Variants in AHCYL2 observed in about 807,000 individuals in gnomAD.
AHCYL2 encodes S-adenosylhomocysteine hydrolase-like protein 2.
AHCYL2 carries 28 observed loss-of-function variants against 81.4 expected under a neutral mutation model. That is an observed-to-expected ratio of 0.34 (90% CI 0.25 to 0.47). AHCYL2 has a LOEUF of 0.47. AHCYL2 is among the 20% of genes least tolerant of loss of function. The pLI is 1.00. For missense variants in AHCYL2, 551 were observed against 785.1 expected, an observed-to-expected ratio of 0.70 and a Z score of 3.56; for synonymous variants, 272 against 290.2, an observed-to-expected ratio of 0.94 and a Z score of 0.64.
chr7:129,373,276 C>T (rs975311167), intron 1 of AHCYL2, among the ~76,000 whole-genome samples: 5 of 152,044 alleles, frequency 3.3e-5, no homozygotes, highest in Admixed American at 2.0e-4. Flanking sequence ...CTGTGTGCGG[C>T]GGCTCACGCC....
chr7:129,372,783 C>T (rs574298569), intron 1 of AHCYL2, among the ~76,000 whole-genome samples: 45 of 152,158 alleles, frequency 3.0e-4, no homozygotes, highest in African/African-American at 1.1e-3. Context: ...CCATTGCACC[C>T]CAGCCTGGGA....
chr7:129,332,425 GAA>G (rs1763331358), intron 1 of AHCYL2, among the ~76,000 whole-genome samples: 1 of 152,208 alleles, frequency 6.6e-6, no homozygotes, highest in Non-Finnish European at 1.5e-5. Flanking sequence ...ATAAAAACTA[GAA>G]AGTTGAAACA....
At chr7:129,316,723 C>T (rs1296981833) in intron 1 of AHCYL2, among the ~76,000 whole-genome samples, 1 of 152,192 alleles carries the variant, frequency 6.6e-6, no homozygotes, top group Non-Finnish European at 1.5e-5. Context: ...ATGCTTTATG[C>T]ATTCTCAGTG....
intron 1 of AHCYL2, among the ~76,000 whole-genome samples, chr7:129,289,427 A>AT (rs751199421): frequency 6.6e-6 from 1 of 152,106 alleles, no homozygotes; most frequent in African/African-American, 2.4e-5. Flanking sequence ...ACTATTGATG[A>AT]TTTTTACTTA....
chr7:129,340,461 C>G lies in AHCYL2; in HGVS notation c.364-39177C>G, dbSNP rs185411382. On this transcript the variant is annotated intron_variant, in intron 1 of 16. Transcript: ENST00000325006. ...CAGTTGCCTATAGTCCCAGCTACTC[C>G]GGAGGCTGAGGCAGGAGAATGGCGT... Among the ~76,000 whole-genome samples, 516 of 150,500 alleles carry G rather than the reference C, an allele frequency of 3.4e-3. 1 individual carries two copies. Among genetic ancestry groups the G allele is most frequent in the African/African-American group, 0.012 (492 of 41,114 alleles).
intron 5 of AHCYL2, among the ~76,000 whole-genome samples, chr7:129,399,714 C>T (rs1328215587): frequency 2.0e-5 from 3 of 149,128 alleles, no homozygotes; most frequent in East Asian, 3.9e-4. Flanking sequence ...TTTTGTTTTC[C>T]CTTTAGTCAC....
Position 129,344,035 on chromosome 7 carries a change from TACTC to T in AHCYL2, c.364-35601_364-35598del, listed in dbSNP as rs373550528. ...TATGAATGCTAATAAGCATATAAGATACTCAACACCACGAGAGAAGTGCAAATTA... is the reference window on the plus strand; with the variant it reads ...TATGAATGCTAATAAGCATATAAGATAACACCACGAGAGAAGTGCAAATTA... On this transcript the variant is annotated intron_variant, in intron 1 of 16. Coordinates refer to ENST00000325006, the MANE Select transcript of AHCYL2 (RefSeq NM_015328.4). Among the ~76,000 whole-genome samples, 25 of 152,268 alleles carry T rather than the reference TACTC, an allele frequency of 1.6e-4. No homozygotes were observed. The East Asian group carries it at 3.7e-3, about 22-fold the overall frequency.
At chr7:129,379,293 A>C (rs2150884141) in intron 1 of AHCYL2, among the ~76,000 whole-genome samples, 1 of 151,992 alleles carries the variant, frequency 6.6e-6, no homozygotes, top group African/African-American at 2.4e-5. Flanking sequence ...AAAAAAAAAA[A>C]AAAGTGTATC....
At chr7:129,322,772 T>C (rs1272557989) in intron 1 of AHCYL2, among the ~76,000 whole-genome samples, 1 of 152,102 alleles carries the variant, frequency 6.6e-6, no homozygotes, top group Admixed American at 6.5e-5. Context: ...CGTATTTTTT[T>C]AGGGGTGGGG....
intron 1 of AHCYL2, among the ~76,000 whole-genome samples, chr7:129,240,273 C>T (rs1299084531): frequency 6.6e-6 from 1 of 151,798 alleles, no homozygotes; most frequent in East Asian, 1.9e-4. Flanking sequence ...TCCATGGTTA[C>T]AGAGACACCC....
In AHCYL2 at chr7:129,427,101, A is replaced by G. The variant is rs974115367; in HGVS notation, c.*56A>G. 5.2e-6 allele frequency: 8 copies of G among 1,536,724 alleles called. No individual in the cohort carries two copies. Among genetic ancestry groups the G allele is most frequent in the Admixed American group, 5.1e-5 (3 of 58,636 alleles). On this transcript the variant is annotated 3_prime_UTR_variant, in exon 17 of 17. Coordinates refer to ENST00000325006, the MANE Select transcript of AHCYL2 (RefSeq NM_015328.4). The surrounding 1 kb of genome is among the most constrained non-coding windows in gnomAD (Gnocchi z 5.5). Reference sequence around the variant, plus strand: ...GAATAGAACTCCAAGCCTTTTCTCCACTACTATACAAGAAAGAATTCAGCA... The same window carrying G: ...GAATAGAACTCCAAGCCTTTTCTCCGCTACTATACAAGAAAGAATTCAGCA...
chr7:129,319,947 G>A (rs1233539283), intron 1 of AHCYL2, among the ~76,000 whole-genome samples: 1 of 151,974 alleles, frequency 6.6e-6, no homozygotes, highest in Non-Finnish European at 1.5e-5. Flanking sequence ...TAATAGCTGG[G>A]TCTTATGGCA....
chr7:129,274,992 C>T (rs1175472880), intron 1 of AHCYL2, among the ~76,000 whole-genome samples: 1 of 152,176 alleles, frequency 6.6e-6, no homozygotes, highest in African/African-American at 2.4e-5. Flanking sequence ...CTGCTGTGCC[C>T]TGCCAGAATT....
intron 1 of AHCYL2, among the ~76,000 whole-genome samples, chr7:129,287,765 T>C (rs995297671): frequency 6.6e-6 from 1 of 152,252 alleles, no homozygotes; most frequent in Non-Finnish European, 1.5e-5. Flanking sequence ...AAGTTCTTTA[T>C]GTAGAGCTCC....
chr7:129,270,094 A>G (rs1440128015), intron 1 of AHCYL2, among the ~76,000 whole-genome samples: 2 of 152,212 alleles, frequency 1.3e-5, no homozygotes, highest in Non-Finnish European at 2.9e-5. Flanking sequence ...GTTTACTGAA[A>G]AGAAAATGAA....
At chr7:129,236,529 TG>T (rs1794650890) in intron 1 of AHCYL2, among the ~76,000 whole-genome samples, 2 of 151,816 alleles carry the variant, frequency 1.3e-5, no homozygotes, top group South Asian at 4.2e-4. Flanking sequence ...TTTGTAGAGA[TG>T]GGGTTTTACC....
At chr7:129,233,939 T>A (rs1180168107) in intron 1 of AHCYL2, among the ~76,000 whole-genome samples, 1 of 152,158 alleles carries the variant, frequency 6.6e-6, no homozygotes, top group Non-Finnish European at 1.5e-5. Context: ...TTTTTCTCCT[T>A]CATTCTGTCA....
chr7:129,364,627 C>T (rs893440632), intron 1 of AHCYL2, among the ~76,000 whole-genome samples: 2 of 152,272 alleles, frequency 1.3e-5, no homozygotes, highest in East Asian at 1.9e-4. Context: ...ATTATTGTTA[C>T]CACACTAGTC....
chr7:129,333,566 GTTA>G lies in AHCYL2; in HGVS notation c.364-46067_364-46065del, dbSNP rs1321713741. 2.6e-5 allele frequency among the ~76,000 whole-genome samples: 4 copies of G among 152,212 alleles called. 1 individual carries two copies. The highest frequency in any genetic ancestry group is 4.1e-4 in the South Asian group (2 of 4,826). On this transcript the variant is annotated intron_variant, in intron 1 of 16. Transcript: ENST00000325006. The stretch of plus-strand genomic sequence containing the variant: ...TGATTAGGGGTAGTAGAGGTAATAC[GTTA>G]TTATGAGAAGAGAAAAGTGAGTGTG...
Sources: gnomAD v4.1 joint callset for allele counts (sites outside exome capture counted in the v4.1 genomes callset) on GRCh38, gnomAD v4.1.1 for gene constraint, Gnocchi (gnomAD v3.1) non-coding constraint, MANE v1.5 for transcripts, NCBI Gene and HGNC (gene_info 2026-07-23, HGNC 2026-07-21) for gene names.